OCA2: variants seen among roughly 807,000 people sequenced by gnomAD.
OCA2 encodes the protein P protein.
A neutral mutation model predicts 100.2 loss-of-function variants in OCA2; 77 were observed. The observed-to-expected ratio is 0.77, with a 90% CI of 0.64 to 0.93. OCA2 has a LOEUF of 0.93. Ranked by LOEUF, OCA2 falls within the 40% of genes least tolerant of loss-of-function variation. The pLI is 0.00. For synonymous variants in OCA2, 432 were observed against 439.2 expected, an observed-to-expected ratio of 0.98 and a Z score of 0.21; for missense variants, 1,062 against 1,089.1, an observed-to-expected ratio of 0.98 and a Z score of 0.35.
intron 23 of OCA2, among the ~76,000 whole-genome samples, chr15:27,764,760 G>C (rs936308110): frequency 1.3e-5 from 2 of 152,184 alleles, no homozygotes; most frequent in African/African-American, 4.8e-5. Context: ...GGAGTTACAG[G>C]AAAGGGGTCC....
At chr15:27,948,087 AT>A (rs1320134672) in intron 18 of OCA2, among the ~76,000 whole-genome samples, 1 of 152,226 alleles carries the variant, frequency 6.6e-6, no homozygotes, top group African/African-American at 2.4e-5. Context: ...GGGAGGGGAA[AT>A]GCAGACACAC....
the OCA2 span, among the ~76,000 whole-genome samples, chr15:27,743,305 G>A: frequency 1.4e-4 from 22 of 152,326 alleles, no homozygotes; most frequent in African/African-American, 4.3e-4. Context: ...ATGCGGAGAC[G>A]AGCAAGAGGA....
At chr15:28,026,343 C>G (rs2042746252) in intron 4 of OCA2, among the ~76,000 whole-genome samples, 1 of 152,202 alleles carries the variant, frequency 6.6e-6, no homozygotes, top group South Asian at 2.1e-4. Context: ...AGTGGTTACC[C>G]GTCCAGCTGG....
intron 19 of OCA2, among the ~76,000 whole-genome samples, chr15:27,904,787 G>A (rs887546409): frequency 1.4e-5 from 2 of 147,042 alleles, no homozygotes; most frequent in Non-Finnish European, 2.9e-5. Flanking sequence ...TGCCTGGGTA[G>A]GCCTCTGAAA....
At chr15:27,825,785 T>A (rs535134066) in intron 23 of OCA2, among the ~76,000 whole-genome samples, 16 of 152,306 alleles carry the variant, frequency 1.1e-4, no homozygotes, top group Middle Eastern at 3.4e-3. Flanking sequence ...CCCGCAGTGA[T>A]TGGCCCCATG....
chr15:28,017,719 C>T lies in OCA2; in HGVS notation c.807+678G>A, dbSNP rs185254933. 8.3e-4 allele frequency among the ~76,000 whole-genome samples: 127 copies of T among 152,280 alleles called. 1 individual carries two copies. The highest frequency in any genetic ancestry group is 2.4e-3 in the African/African-American group (101 of 41,550). On this transcript the variant is annotated intron_variant, in intron 7 of 23. Transcript: ENST00000354638. ...GCAGGTGACACAGCCTGTGCATGGG[C>T]GGGGTTTCCCTCTACTGGTTATAAC...
chr15:27,870,062 C>A (rs1005028458), intron 21 of OCA2, among the ~76,000 whole-genome samples: 1 of 152,234 alleles, frequency 6.6e-6, no homozygotes, highest in East Asian at 1.9e-4. Context: ...AGGCTGCAAG[C>A]GAGGGATGCA....
At chr15:28,002,420 C>T in intron 9 of OCA2, among the ~76,000 whole-genome samples, 1 of 152,128 alleles carries the variant, frequency 6.6e-6, no homozygotes, top group East Asian at 1.9e-4. Flanking sequence ...ATGGTGAGTG[C>T]CCTACCTCAC....
chr15:27,752,793 G>GC (rs2030110127), downstream of OCA2, among the ~76,000 whole-genome samples: 2 of 46,446 alleles, frequency 4.3e-5, no homozygotes, highest in African/African-American at 1.7e-4. Flanking sequence ...CCAGGTCCTG[G>GC]TCCCCCACCC....
intron 3 of OCA2, among the ~76,000 whole-genome samples, chr15:28,029,889 A>C (rs2042864173): frequency 6.6e-6 from 1 of 152,256 alleles, no homozygotes. Context: ...TTGTAAGCAA[A>C]GCTGACCCAT....
intron 1 of OCA2, among the ~76,000 whole-genome samples, chr15:28,085,566 A>G (rs2044763185): frequency 6.6e-6 from 1 of 152,074 alleles, no homozygotes; most frequent in South Asian, 2.1e-4. Context: ...TGCTGGCAAA[A>G]CTAGAAGCAA....
At chr15:28,052,998 G>A (rs565887953) in intron 2 of OCA2, among the ~76,000 whole-genome samples, 116 of 152,348 alleles carry the variant, frequency 7.6e-4, no homozygotes, top group African/African-American at 2.7e-3. Flanking sequence ...AGGCTTCACA[G>A]AGGGAATCTG....
chr15:27,985,640 C>CA (rs1198313161), intron 12 of OCA2, among the ~76,000 whole-genome samples: 4 of 151,738 alleles, frequency 2.6e-5, no homozygotes, highest in Admixed American at 2.6e-4. Flanking sequence ...TCAAAGATGA[C>CA]AAAAATCACA....
At chr15:28,012,890 G>A (rs779986594) in intron 9 of OCA2, among the ~76,000 whole-genome samples, 7 of 152,174 alleles carry the variant, frequency 4.6e-5, no homozygotes, top group Admixed American at 2.0e-4. Context: ...GGGGAAGAGG[G>A]AAACTAAATA....
intron 14 of OCA2, among the ~76,000 whole-genome samples, chr15:27,976,916 T>G (rs952738942): frequency 2.4e-5 from 3 of 125,622 alleles, no homozygotes; most frequent in Non-Finnish European, 3.8e-5. Context: ...TGGGAAGGTT[T>G]TTAACTACAT....
chr15:27,816,290 C>T (rs948567159), intron 23 of OCA2, among the ~76,000 whole-genome samples: 1 of 152,122 alleles, frequency 6.6e-6, no homozygotes, highest in Non-Finnish European at 1.5e-5. Context: ...AACACAGAAA[C>T]TCAGAATGTT....
intron 19 of OCA2, among the ~76,000 whole-genome samples, chr15:27,913,822 G>A (rs1171934910): frequency 1.6e-5 from 1 of 62,818 alleles, no homozygotes; most frequent in African/African-American, 5.5e-5. Flanking sequence ...AAAAGAGAAA[G>A]AAAGAAAGAA....
rs539908441 is a variant in OCA2 at position 27,784,939 on chromosome 15, G to C, written c.2433-29467C>G. Among the ~76,000 whole-genome samples, 326 of 151,982 alleles carry C rather than the reference G, an allele frequency of 2.1e-3. 1 individual carries two copies. Among genetic ancestry groups the C allele is most frequent in the Admixed American group, 4.7e-3 (71 of 15,250 alleles). On this transcript the variant is annotated intron_variant, in intron 23 of 23. Transcript: ENST00000354638. ...AGAAATGGGCAGAAAAAATAGCCAA[G>C]AATTTGTCAAAATTAATGATATCAA...
chr15:28,016,209 T>C (rs1362726144), intron 7 of OCA2, 23 bp from the exon 8 acceptor site: 2 of 1,598,584 alleles, frequency 1.3e-6, no homozygotes, highest in African/African-American at 2.7e-5. Context: ...AAGCATAAGT[T>C]ATGGTGAGGC....
Sources: allele counts gnomAD v4.1 joint callset (sites outside exome capture counted in the v4.1 genomes callset), GRCh38; gene constraint gnomAD v4.1.1; transcripts MANE v1.5; gene names NCBI Gene and HGNC (gene_info 2026-07-23, HGNC 2026-07-21).